GYG1: variants seen among roughly 807,000 people sequenced by gnomAD.
GYG1 encodes glycogenin-1.
A neutral mutation model predicts 41.9 loss-of-function variants in GYG1; 44 were observed. That is an observed-to-expected ratio of 1.05 (90% CI 0.83 to 1.35). GYG1 has a LOEUF of 1.35. Among genes scored for constraint, GYG1 ranks in the 40% most tolerant of loss-of-function variants. The pLI, the probability that GYG1 is intolerant of heterozygous loss-of-function variation, is 0.00. For synonymous variants in GYG1, 141 were observed against 158.1 expected, an observed-to-expected ratio of 0.89 and a Z score of 0.81; for missense variants, 429 against 418.9, an observed-to-expected ratio of 1.02 and a Z score of -0.21.
chr3:149,010,591 T>C (rs1373312424), intron 5 of GYG1, among the ~76,000 whole-genome samples: 1 of 152,146 alleles, frequency 6.6e-6, no homozygotes, highest in Non-Finnish European at 1.5e-5. Flanking sequence ...CTTCCCAAAG[T>C]GCTAGGATTA....
At chr3:149,013,002 T>TGG (rs1441274508) in intron 5 of GYG1, among the ~76,000 whole-genome samples, 1 of 141,042 alleles carries the variant, frequency 7.1e-6, no homozygotes, top group Non-Finnish European at 1.5e-5. Flanking sequence ...TTAATTTGTG[T>TGG]GTGTGTGTGT....
intron 4 of GYG1, 67 bp from the exon 5 acceptor site, chr3:149,009,209 G>A: frequency 3.4e-6 from 4 of 1,191,280 alleles, no homozygotes; most frequent in East Asian, 2.4e-5. Context: ...GTCCAGTTAT[G>A]TGCTCCTATA....
At position 149,028,745 on chromosome 3, in the gene GYG1, GCT is replaced by G. The variant is rs1240237941; in HGVS notation, c.*1815_*1816del. On this transcript the variant is annotated 3_prime_UTR_variant, in exon 8 of 8. Coordinates refer to ENST00000345003, the MANE Select transcript of GYG1 (RefSeq NM_004130.4). ...TTTTTTTTTCTTGAGGCAGAGTCTT[GCT>G]CTGTCAGTCAGTCACCAGGCTGGAG... Among the ~76,000 whole-genome samples, 3 of 124,260 alleles carry G rather than the reference GCT, an allele frequency of 2.4e-5. No individual in the cohort carries two copies. Among genetic ancestry groups the G allele is most frequent in the Non-Finnish European group, 4.8e-5 (3 of 62,496 alleles). 81.5% of individuals were successfully genotyped at this position (124,260 alleles called of 152,430 possible).
At chr3:149,025,395 C>A (rs1714598199) in intron 6 of GYG1, among the ~76,000 whole-genome samples, 1 of 152,206 alleles carries the variant, frequency 6.6e-6, no homozygotes, top group African/African-American at 2.4e-5. Flanking sequence ...GGTGGTAATT[C>A]TTACTCGCCT....
chr3:148,996,367 C>T lies in GYG1; in HGVS notation c.209C>T (p.Ala70Val), dbSNP rs1712787815. ...MVDVLDSGDS[A>V]HLTLMKRPEL... ...GATGTCTTGGACAGTGGCGATTCTG[C>T]TCATCTAACCTTAATGAAGAGGCCA... is the stretch of plus-strand genomic sequence containing the variant. Residue 70 changes from alanine (A) to valine (V), a missense_variant, in exon 3 of 8, where the codon GCT (alanine) becomes GTT (valine). Coordinates refer to ENST00000345003, the MANE Select transcript of GYG1 (RefSeq NM_004130.4). 6.2e-7 allele frequency: 1 copy of T among 1,611,766 alleles called. No individual in the cohort carries two copies. Among genetic ancestry groups the T allele is most frequent in the Non-Finnish European group, 8.5e-7 (1 of 1,178,852 alleles).
At chr3:148,993,780 A>G (rs1712629112) in intron 1 of GYG1, among the ~76,000 whole-genome samples, 4 of 152,232 alleles carry the variant, frequency 2.6e-5, no homozygotes, top group Admixed American at 2.6e-4. Flanking sequence ...CACTGTCTAC[A>G]GTACCTTGTA....
At chr3:148,998,844 G>C (rs932371556) in intron 4 of GYG1, among the ~76,000 whole-genome samples, 1 of 152,134 alleles carries the variant, frequency 6.6e-6, no homozygotes, top group South Asian at 2.1e-4. Context: ...TAACCTTCTC[G>C]TCAGAGTGTA....
chr3:149,024,878 G>A (rs1056800415), intron 6 of GYG1, among the ~76,000 whole-genome samples: 1 of 152,178 alleles, frequency 6.6e-6, no homozygotes, highest in African/African-American at 2.4e-5. Flanking sequence ...TTGTTCTTAT[G>A]AAAGAATTGG....
chr3:149,016,282 A>C (rs1714032373), intron 5 of GYG1, among the ~76,000 whole-genome samples: 2 of 151,402 alleles, frequency 1.3e-5, no homozygotes, highest in African/African-American at 4.8e-5. Context: ...AAAAACAAAA[A>C]AGAAAAAAAA....
At position 148,998,913 on chromosome 3, in the gene GYG1, G is replaced by A. The variant is rs765725721; in HGVS notation, c.481+2009G>A. 4.5e-4 allele frequency among the ~76,000 whole-genome samples: 69 copies of A among 152,120 alleles called. 1 individual carries two copies. The highest frequency in any genetic ancestry group is 1.2e-4 in the Non-Finnish European group (8 of 68,024). Reference sequence around the variant, plus strand: ...GTAAGTGTAATCCTGCCAGAAATTCGGTGTAACTCTTTTCAGCTTTAGTAA... The same window carrying A: ...GTAAGTGTAATCCTGCCAGAAATTCAGTGTAACTCTTTTCAGCTTTAGTAA... On this transcript the variant is annotated intron_variant, in intron 4 of 7. Coordinates refer to ENST00000345003, the MANE Select transcript of GYG1 (RefSeq NM_004130.4).
intron 5 of GYG1, among the ~76,000 whole-genome samples, chr3:149,011,717 C>T (rs1200908811): frequency 6.6e-6 from 1 of 152,160 alleles, no homozygotes; most frequent in Non-Finnish European, 1.5e-5. Flanking sequence ...CCCAAAAAAC[C>T]AGTTAGAGAT....
chr3:148,991,546 C>T lies in GYG1; in HGVS notation c.-95C>T. 1.3e-6 allele frequency: 2 copies of T among 1,488,346 alleles called. No homozygotes were observed. The highest frequency in any genetic ancestry group is 2.5e-5 in the East Asian group (1 of 40,190). The allele number at this position is 1,488,346 out of a possible 1,614,324, so 92.2% of individuals were successfully genotyped here. Reference sequence around the variant, plus strand: ...CACGGGGCAGACGCTCGGTTCCCCGCCGTGCCTCCTCGCTGGCCGCGCTCC... The same window carrying T: ...CACGGGGCAGACGCTCGGTTCCCCGTCGTGCCTCCTCGCTGGCCGCGCTCC... On this transcript the variant is annotated 5_prime_UTR_variant, in exon 1 of 8. Transcript: ENST00000345003.
chr3:149,010,474 G>A (rs953570657), intron 5 of GYG1, among the ~76,000 whole-genome samples: 5 of 151,942 alleles, frequency 3.3e-5, no homozygotes, highest in East Asian at 1.9e-4. Flanking sequence ...TTACAGGCAC[G>A]TGCCACTACA....
intron 5 of GYG1, among the ~76,000 whole-genome samples, chr3:149,021,047 A>G (rs1350703870): frequency 6.6e-6 from 1 of 152,166 alleles, no homozygotes; most frequent in African/African-American, 2.4e-5. Flanking sequence ...GAAGGCAGTC[A>G]TCTGACTCTT....
At chr3:149,012,241 A>T (rs1713773973) in intron 5 of GYG1, among the ~76,000 whole-genome samples, 1 of 152,286 alleles carries the variant, frequency 6.6e-6, no homozygotes, top group South Asian at 2.1e-4. Flanking sequence ...CTCTCCAAAG[A>T]TCCCTGTGAA....
At position 149,027,206 on chromosome 3, in the gene GYG1, A is replaced by G. The variant is rs1714707663; in HGVS notation, c.*273A>G. 1 of 491,062 alleles carries G rather than the reference A, an allele frequency of 2.0e-6. No individual in the cohort carries two copies. The highest frequency in any genetic ancestry group is 3.5e-5 in the East Asian group (1 of 28,758). The allele number at this position is 491,062 out of a possible 1,614,324, so 30.4% of individuals were successfully genotyped here. A position where few individuals can be genotyped will look rare whatever the true frequency, so the allele number is the denominator to read the frequency against. On this transcript the variant is annotated 3_prime_UTR_variant, in exon 8 of 8. Transcript: ENST00000345003. ...TGACTGCCAACATACAAAGTAAGGG[A>G]AACTCAAGATATTAAGATGGCTGTA...
At chr3:148,997,134 C>A (rs1330249949) in intron 4 of GYG1, among the ~76,000 whole-genome samples, 1 of 151,776 alleles carries the variant, frequency 6.6e-6, no homozygotes, top group African/African-American at 2.4e-5. Flanking sequence ...CTATGATAGG[C>A]AATTTTATAG....
intron 1 of GYG1, 105 bp from the exon 2 acceptor site, chr3:148,994,037 T>TA (rs1559995701): frequency 3.1e-6 from 3 of 970,378 alleles, no homozygotes; most frequent in Non-Finnish European, 4.9e-6. Context: ...AAGTTGATGT[T>TA]AGAGGAACTG....
chr3:149,030,344 A>G lies in GYG1; in HGVS notation c.*3411A>G, dbSNP rs1714896686. 6.6e-6 allele frequency: 1 copy of G among 152,200 alleles called. No homozygotes were observed. The highest frequency in any genetic ancestry group is 6.5e-5 in the Admixed American group (1 of 15,284). The allele number at this position is 152,200 out of a possible 1,614,324, so 9.4% of individuals were successfully genotyped here. Reference sequence around the variant, plus strand: ...AAGGACAAATTAAATTTTTTAAATTAAACTTTTAAAATATAACAACATCTA... The same window carrying G: ...AAGGACAAATTAAATTTTTTAAATTGAACTTTTAAAATATAACAACATCTA... On this transcript the variant is annotated 3_prime_UTR_variant, in exon 8 of 8. Transcript: ENST00000345003.
Sources: allele counts gnomAD v4.1 joint callset (sites outside exome capture counted in the v4.1 genomes callset), GRCh38; gene constraint gnomAD v4.1.1; transcripts MANE v1.5; gene names NCBI Gene and HGNC (gene_info 2026-07-23, HGNC 2026-07-21).